Variants in PPM1L observed in about 807,000 individuals in gnomAD.
PPM1L encodes protein phosphatase 1L.
Under a neutral mutation model 31.4 loss-of-function variants are expected in PPM1L, and 13 were observed. That is an observed-to-expected ratio of 0.41 (90% CI 0.27 to 0.66). The LOEUF (loss-of-function observed/expected upper bound fraction) is 0.66, where lower values mean the gene tolerates loss of function less well. Ranked by LOEUF, PPM1L falls within the 30% of genes least tolerant of loss-of-function variation. The pLI, the probability that PPM1L is intolerant of heterozygous loss-of-function variation, is 0.29. For missense variants in PPM1L, 326 were observed against 453.7 expected (o/e 0.72, Z 2.56); for synonymous variants, 184 against 175.4 (o/e 1.05, Z -0.39).
Position 161,007,238 on chromosome 3 carries a change from G to A in PPM1L, c.574+45328G>A, listed in dbSNP as rs142565781. Among the ~76,000 whole-genome samples the A allele has an allele frequency of 6.2e-4, 95 of 152,296 alleles. No individual in the cohort carries two copies. In the South Asian group the frequency reaches 7.7e-3, roughly 12 times the overall value. On this transcript the variant is annotated intron_variant, in intron 2 of 3. Transcript: ENST00000498165. ...AAGGGCTCCAGAATAAAAGATGAGC[G>A]GGGCAAGGAATGCCAGGACATAAGT...
At chr3:161,064,046 C>A (rs1276162515) in intron 2 of PPM1L, among the ~76,000 whole-genome samples, 1 of 152,000 alleles carries the variant, frequency 6.6e-6, no homozygotes, top group African/African-American at 2.4e-5. Context: ...GGAGGGAGAG[C>A]ATTAGGACAA....
At chr3:160,813,244 G>T (rs899429568) in intron 1 of PPM1L, among the ~76,000 whole-genome samples, 19 of 152,060 alleles carry the variant, frequency 1.2e-4, no homozygotes, top group Admixed American at 2.6e-4. Context: ...TAATATTAAA[G>T]AAATTATTTA....
At chr3:161,003,244 T>A (rs1192802669) in intron 2 of PPM1L, among the ~76,000 whole-genome samples, 1 of 150,274 alleles carries the variant, frequency 6.7e-6, no homozygotes, top group Admixed American at 6.6e-5. Context: ...TACTGTAGCC[T>A]TGTAGTATAG....
At chr3:160,927,697 A>C (rs1051060289) in intron 1 of PPM1L, among the ~76,000 whole-genome samples, 4 of 152,124 alleles carry the variant, frequency 2.6e-5, no homozygotes, top group Non-Finnish European at 5.9e-5. Context: ...AAGAAAAGCT[A>C]TTTGCCTCTC....
intron 2 of PPM1L, among the ~76,000 whole-genome samples, chr3:160,979,979 C>T (rs182905576): frequency 4.1e-4 from 63 of 152,154 alleles, no homozygotes; most frequent in African/African-American, 1.5e-3. Context: ...CCAAGGCATG[C>T]CTGGACACCA....
At chr3:160,982,479 A>G (rs1372632387) in intron 2 of PPM1L, among the ~76,000 whole-genome samples, 2 of 152,144 alleles carry the variant, frequency 1.3e-5, no homozygotes, top group East Asian at 1.9e-4. Context: ...ACTGTGTTCT[A>G]AAATTTATCA....
intron 1 of PPM1L, among the ~76,000 whole-genome samples, chr3:160,849,443 T>G (rs908308956): frequency 2.0e-5 from 3 of 151,156 alleles, no homozygotes; most frequent in Non-Finnish European, 4.4e-5. Flanking sequence ...AGATGGAGTC[T>G]CGCTCTGTCG....
At chr3:160,942,564 G>GT (rs1715196966) in intron 1 of PPM1L, among the ~76,000 whole-genome samples, 2 of 152,150 alleles carry the variant, frequency 1.3e-5, no homozygotes, top group African/African-American at 4.8e-5. Flanking sequence ...ATGACACTGA[G>GT]TTTTTTATTC....
intron 1 of PPM1L, among the ~76,000 whole-genome samples, chr3:160,882,792 T>C (rs1240556160): frequency 1.3e-5 from 2 of 152,244 alleles, no homozygotes; most frequent in African/African-American, 2.4e-5. Context: ...TTTTACTTTA[T>C]TTTAAACAAC....
At position 161,069,338 on chromosome 3, in the gene PPM1L, G is replaced by A; in HGVS notation, c.*181G>A. On this transcript the variant is annotated 3_prime_UTR_variant, in exon 4 of 4. Coordinates refer to ENST00000498165, the MANE Select transcript of PPM1L (RefSeq NM_139245.4). Reference sequence around the variant, plus strand: ...ACAGAGGGTGCCCTTGGCCAATGTAGTTAAGAAACTGGAAAATGGTTTCTT... The same window carrying A: ...ACAGAGGGTGCCCTTGGCCAATGTAATTAAGAAACTGGAAAATGGTTTCTT... 1.7e-6 allele frequency: 1 copy of A among 584,800 alleles called. No individual in the cohort carries two copies. The highest frequency in any genetic ancestry group is 2.3e-5 in the South Asian group (1 of 44,016). 36.2% of individuals were successfully genotyped at this position (584,800 alleles called of 1,614,324 possible).
chr3:160,780,085 C>G (rs1702480964), intron 1 of PPM1L, among the ~76,000 whole-genome samples: 1 of 151,860 alleles, frequency 6.6e-6, no homozygotes, highest in African/African-American at 2.4e-5. Flanking sequence ...ATAACAGTGG[C>G]ATGATCACTG....
At chr3:161,034,815 A>C (rs965470674) in intron 2 of PPM1L, among the ~76,000 whole-genome samples, 14 of 151,940 alleles carry the variant, frequency 9.2e-5, no homozygotes, top group Non-Finnish European at 1.6e-4. Context: ...ACAAACCTGC[A>C]TGTTCTGCAC....
At chr3:160,869,755 T>C (rs897335875) in intron 1 of PPM1L, among the ~76,000 whole-genome samples, 2 of 151,952 alleles carry the variant, frequency 1.3e-5, no homozygotes, top group Admixed American at 1.3e-4. Context: ...CAAATATTTG[T>C]AGGTATGTAA....
At chr3:160,904,914 G>T (rs1576703414) in intron 1 of PPM1L, among the ~76,000 whole-genome samples, 1 of 152,102 alleles carries the variant, frequency 6.6e-6, no homozygotes, top group East Asian at 1.9e-4. Context: ...AGTTATATTG[G>T]TTGCCTTGTG....
intron 2 of PPM1L, among the ~76,000 whole-genome samples, chr3:161,041,367 C>A (rs1718898665): frequency 6.6e-6 from 1 of 152,208 alleles, no homozygotes; most frequent in African/African-American, 2.4e-5. Flanking sequence ...GCACCCTGAC[C>A]ACCTTGGGCA....
At chr3:161,014,553 C>T (rs1718015466) in intron 2 of PPM1L, among the ~76,000 whole-genome samples, 1 of 149,848 alleles carries the variant, frequency 6.7e-6, no homozygotes, top group Non-Finnish European at 1.5e-5. Context: ...CAGCTCACTG[C>T]AACATCCGCC....
At chr3:160,827,447 T>TTGTG (rs59524935) in intron 1 of PPM1L, among the ~76,000 whole-genome samples, 31,471 of 141,260 alleles carry the variant, frequency 0.22, 3,707 homozygotes, top group East Asian at 0.47. Context: ...TGATATAAGT[T>TTGTG]TGTGTGTGTG....
intron 2 of PPM1L, among the ~76,000 whole-genome samples, chr3:160,976,312 C>T (rs1364281121): frequency 6.8e-6 from 1 of 146,314 alleles, no homozygotes; most frequent in Non-Finnish European, 1.5e-5. Flanking sequence ...CAATGTTCAT[C>T]AAGGATATTG....
intron 1 of PPM1L, among the ~76,000 whole-genome samples, chr3:160,813,276 A>C (rs1712864184): frequency 2.6e-5 from 4 of 152,162 alleles, no homozygotes. Flanking sequence ...TCTCTAGTTA[A>C]GTTTTAATTT....
Sources: allele counts gnomAD v4.1 joint callset (sites outside exome capture counted in the v4.1 genomes callset), GRCh38; gene constraint gnomAD v4.1.1; transcripts MANE v1.5; gene names NCBI Gene and HGNC (gene_info 2026-07-23, HGNC 2026-07-21).